Variants in TAF8 observed in about 807,000 individuals in gnomAD.
The protein encoded by TAF8 is TATA-box binding protein associated factor 8, also known as transcription initiation factor TFIID subunit 8.
TAF8 carries 47 observed loss-of-function variants against 36.5 expected under a neutral mutation model. That is an observed-to-expected ratio of 1.29 (90% confidence interval 1.02 to 1.64). TAF8 has a LOEUF of 1.64. Among genes scored for constraint, TAF8 ranks in the 40% most tolerant of loss-of-function variants. The pLI is 0.00. For missense variants in TAF8, 420 were observed against 407.6 expected, an observed-to-expected ratio of 1.03 and a Z score of -0.26; for synonymous variants, 175 against 159.5, an observed-to-expected ratio of 1.10 and a Z score of -0.73.
chr6:42,076,917 C>G (rs9357386), intron 7 of TAF8, among the ~76,000 whole-genome samples, 183 bp from the exon 8 acceptor site: 11,089 of 152,158 alleles, frequency 0.073, 568 homozygotes, highest in East Asian at 0.18. Flanking sequence ...GTCTTGCCTT[C>G]CCTTCATAGC....
intron 8 of TAF8, 26 bp from the exon 9 acceptor site, chr6:42,077,507 G>T: frequency 6.2e-7 from 1 of 1,611,868 alleles, no homozygotes; most frequent in Non-Finnish European, 8.5e-7. Flanking sequence ...CACACCAGGA[G>T]GCTCCATGGT....
intron 2 of TAF8, 47 bp from the exon 3 acceptor site, chr6:42,055,484 T>C (rs777383173): frequency 7.6e-7 from 1 of 1,320,902 alleles, no homozygotes. Context: ...TATGTTTAAC[T>C]TTCTGAGGAA....
intron 5 of TAF8, chr6:42,063,393 G>GC (rs1221825310): frequency 6.6e-6 from 1 of 151,816 alleles, no homozygotes; most frequent in Non-Finnish European, 1.5e-5. Flanking sequence ...AAACTCCTGG[G>GC]CGCAAGCAGT....
At chr6:42,050,663 A>G in intron 1 of TAF8, 77 bp downstream of exon 1, 2 of 1,455,720 alleles carry the variant, frequency 1.4e-6, no homozygotes, top group Non-Finnish European at 1.8e-6. Context: ...GAGCAACAAG[A>G]TAATGCCCAG....
At position 42,065,278 on chromosome 6, in the gene TAF8, G is replaced by A. The variant is rs1325985196; in HGVS notation, c.490-1034G>A. ...GGAGAATCGCTTGAACCCAGGAGGT[G>A]GAGGTTGCAGTGAGCTGAGATGGCG... On this transcript the variant is annotated intron_variant, in intron 5 of 8. Coordinates refer to ENST00000372977, the MANE Select transcript of TAF8 (RefSeq NM_138572.3). 2.0e-5 allele frequency among the ~76,000 whole-genome samples: 3 copies of A among 150,616 alleles called. No individual in the cohort carries two copies. The East Asian group carries it at 6.0e-4, about 30-fold the overall frequency.
Position 42,078,301 on chromosome 6 carries a change from A to T in TAF8, c.*756A>T, listed in dbSNP as rs1014873200. 1.0e-6 allele frequency: 1 copy of T among 985,374 alleles called. No homozygotes were observed. The highest frequency in any genetic ancestry group is 1.7e-5 in the African/African-American group (1 of 57,246). 61.0% of individuals were successfully genotyped at this position (985,374 alleles called of 1,614,324 possible). ...GAAACTCAAGAGACCAGGGAAAGTG[A>T]CAGGAAGGAAAGGGCTCTTTGCTGC... On this transcript the variant is annotated 3_prime_UTR_variant, in exon 9 of 9. Coordinates refer to ENST00000372977, the MANE Select transcript of TAF8 (RefSeq NM_138572.3).
At chr6:42,053,111 G>A (rs1386612196) in intron 2 of TAF8, among the ~76,000 whole-genome samples, 1 of 152,114 alleles carries the variant, frequency 6.6e-6, no homozygotes, top group African/African-American at 2.4e-5. Context: ...GTCTTGCTGT[G>A]TTGCCCAGGC....
At chr6:42,076,376 G>A (rs1369911204) in intron 7 of TAF8, among the ~76,000 whole-genome samples, 5 of 149,852 alleles carry the variant, frequency 3.3e-5, no homozygotes, top group African/African-American at 4.9e-5. Context: ...CTTGAACCCC[G>A]GAGACGGAGG....
intron 5 of TAF8, among the ~76,000 whole-genome samples, chr6:42,062,336 G>A (rs1765217133): frequency 6.6e-6 from 1 of 151,776 alleles, no homozygotes; most frequent in Non-Finnish European, 1.5e-5. Context: ...CAGACACGTG[G>A]GTCCAGATTC....
rs770589974 is a variant in TAF8, at chr6:42,051,492, C to G, written c.181C>G (p.Leu61Val). ...ESAEKASVET[L>V]TEMLQSYISE... ...TGCCGAGAAAGCATCCGTGGAAACG[C>G]TGACAGAGATGCTGCAGAGCTGTGA... Residue 61 changes from leucine to valine, a missense_variant, in exon 2 of 9, where the codon CTG becomes GTG. Physicochemically the swap from Leu to Val is conservative, Grantham distance 32. Coordinates refer to ENST00000372977, the MANE Select transcript of TAF8 (RefSeq NM_138572.3). The G allele has an allele frequency of 6.2e-6, 10 of 1,613,938 alleles. No individual in the cohort carries two copies. The highest frequency in any genetic ancestry group is 8.5e-6 in the Non-Finnish European group (10 of 1,180,012).
intron 7 of TAF8, among the ~76,000 whole-genome samples, chr6:42,069,660 G>A (rs369980488): frequency 1.3e-5 from 2 of 152,162 alleles, no homozygotes; most frequent in African/African-American, 4.8e-5. Context: ...GACATCAGGC[G>A]GTGATGTCAG....
rs1456464606 is a variant in TAF8, at chr6:42,080,998, A to G, written c.*3453A>G. 1 of 984,216 alleles carries G rather than the reference A, an allele frequency of 1.0e-6. No individual in the cohort carries two copies. Among genetic ancestry groups the G allele is most frequent in the Non-Finnish European group, 1.2e-6 (1 of 828,808 alleles). The allele number at this position is 984,216 out of a possible 1,614,324, so 61.0% of individuals were successfully genotyped here. ...TTAGCCCTTGTGTTGGCCTAAGCAC[A>G]CCTGGGAACTTAGTAAAACTTTTAT... On this transcript the variant is annotated 3_prime_UTR_variant, in exon 9 of 9. Transcript: ENST00000372977.
chr6:42,057,612 A>T, intron 5 of TAF8, 99 bp downstream of exon 5: 2 of 1,509,192 alleles, frequency 1.3e-6, no homozygotes, highest in South Asian at 2.5e-5. Context: ...CTTGTTGATG[A>T]AAGAGTGGTT....
chr6:42,066,317 C>T lies in TAF8; in HGVS notation c.495C>T (p.Tyr165=), dbSNP rs370421766. ...CTTTGCTGCTCTCTTCGTAGACGTA[C>T]CGTGAGCCCGTGTCAGACTACCAGG... ...DPHTYIKTPT[Y]REPVSDYQVL... Residue 165 remains tyrosine, a synonymous_variant, in exon 6 of 9, where the codon TAC becomes TAT. Transcript: ENST00000372977. 3.7e-6 allele frequency: 6 copies of T among 1,613,918 alleles called. No individual in the cohort carries two copies. The highest frequency in any genetic ancestry group is 5.1e-6 in the Non-Finnish European group (6 of 1,180,018).
At position 42,067,020 on chromosome 6, in the gene TAF8, A is replaced by G. The variant is rs540372402; in HGVS notation, c.637+561A>G. The stretch of plus-strand genomic sequence containing the variant: ...CCAGATACTGTGCTCATCATTTCCC[A>G]TACATTATCTCATTAAATCCTCTTG... On this transcript the variant is annotated intron_variant, in intron 6 of 8. Transcript: ENST00000372977. Among the ~76,000 whole-genome samples, 9 of 152,282 alleles carry G rather than the reference A, an allele frequency of 5.9e-5. No homozygotes were observed. In the South Asian group the frequency reaches 1.7e-3, roughly 28 times the overall value.
Position 42,077,592 on chromosome 6 carries a change from C to G in TAF8, c.*47C>G, listed in dbSNP as rs368099182. ...GTACAGGGGCGCAGATTCCACCCTC[C>G]CGGGGAGTTAAAGCCACTCAAGGGA... is the stretch of plus-strand genomic sequence containing the variant. On this transcript the variant is annotated 3_prime_UTR_variant, in exon 9 of 9. Coordinates refer to ENST00000372977, the MANE Select transcript of TAF8 (RefSeq NM_138572.3). The G allele has an allele frequency of 3.1e-4, 498 of 1,607,800 alleles. No individual in the cohort carries two copies. The highest frequency in any genetic ancestry group is 3.9e-4 in the Non-Finnish European group (455 of 1,177,116).
At chr6:42,062,823 A>AG (rs1217719519) in intron 5 of TAF8, among the ~76,000 whole-genome samples, 1 of 151,980 alleles carries the variant, frequency 6.6e-6, no homozygotes, top group Non-Finnish European at 1.5e-5. Flanking sequence ...TACAGGCATG[A>AG]GCCACCGTGC....
At chr6:42,076,242 G>A (rs892680708) in intron 7 of TAF8, among the ~76,000 whole-genome samples, 4 of 150,102 alleles carry the variant, frequency 2.7e-5, no homozygotes, top group Admixed American at 1.3e-4. Context: ...ACCCTGCCTC[G>A]GAGTTCGAGA....
chr6:42,055,064 C>T (rs951263182), intron 2 of TAF8, among the ~76,000 whole-genome samples: 4 of 151,920 alleles, frequency 2.6e-5, no homozygotes, highest in Admixed American at 1.3e-4. Context: ...GCTAGGATTA[C>T]AGGCGCCTAC....
Sources: gnomAD v4.1 joint callset for allele counts (sites outside exome capture counted in the v4.1 genomes callset) on GRCh38, gnomAD v4.1.1 for gene constraint, MANE v1.5 for transcripts, NCBI Gene and HGNC (gene_info 2026-07-23, HGNC 2026-07-21) for gene names.